EFTUD2: variants seen among roughly 807,000 people sequenced by gnomAD.
The protein encoded by EFTUD2 is elongation factor Tu GTP binding domain containing 2, also known as 116 kDa U5 small nuclear ribonucleoprotein component.
In EFTUD2, 9 loss-of-function variants were observed where a neutral mutation model predicts 114.3. The ratio of observed to expected loss-of-function variants is 0.08; its 90% CI spans 0.05 to 0.14. EFTUD2 has a LOEUF of 0.14. Ranked by LOEUF, EFTUD2 falls within the 10% of genes least tolerant of loss-of-function variation. The pLI, the probability that EFTUD2 is intolerant of heterozygous loss-of-function variation, is 1.00. For synonymous variants in EFTUD2, 449 were observed against 462.3 expected, an observed-to-expected ratio of 0.97 and a Z score of 0.37; for missense variants, 765 against 1,241.2, an observed-to-expected ratio of 0.62 and a Z score of 5.76.
intron 7 of EFTUD2, 109 bp downstream of exon 7, chr17:44,881,578 G>T: frequency 8.7e-7 from 1 of 1,147,392 alleles, no homozygotes; most frequent in Non-Finnish European, 1.3e-6. Context: ...AGAGAGAGGA[G>T]TAGGATATGA....
In EFTUD2 at chr17:44,854,511, C is replaced by T; in HGVS notation, c.2259+45G>A. ...GAACACTTTGTAGTTTCTTCCACTC[C>T]AGAGGTAAGAGACCGCCACCCAGTT... is the stretch of plus-strand genomic sequence containing the variant. On this transcript the variant is annotated intron_variant, in intron 22 of 27. Transcript: ENST00000426333. This position sits in a 1 kb window ranked among gnomAD's most constrained non-coding sequence, Gnocchi z 4.3. 1 of 1,596,652 alleles carries T rather than the reference C, an allele frequency of 6.3e-7. No individual in the cohort carries two copies. Among genetic ancestry groups the T allele is most frequent in the Non-Finnish European group, 8.5e-7 (1 of 1,169,802 alleles).
chr17:44,851,247 A>G lies in EFTUD2; in HGVS notation c.*27T>C, dbSNP rs2050442001. ...ACAGGAGTTGCAGCCCACTGTAGGG[A>G]GCAGGAGCTCCCAGGAGTCCACGCA... On this transcript the variant is annotated 3_prime_UTR_variant, in exon 28 of 28. Transcript: ENST00000426333. 1.3e-6 allele frequency: 2 copies of G among 1,593,322 alleles called. No individual in the cohort carries two copies. The highest frequency in any genetic ancestry group is 1.7e-6 in the Non-Finnish European group (2 of 1,161,380).
rs1404659333 is a variant in EFTUD2 at position 44,850,261 on chromosome 17, G to A, written c.*1013C>T. ...GGGAGCAGCTAGAGGTGAACCCCTA[G>A]GACGCCTGAGAGCCAGAGGACGGGT... On this transcript the variant is annotated 3_prime_UTR_variant, in exon 28 of 28. Coordinates refer to ENST00000426333, the MANE Select transcript of EFTUD2 (RefSeq NM_004247.4). 1.6e-6 allele frequency: 2 copies of A among 1,279,370 alleles called. No homozygotes were observed. The highest frequency in any genetic ancestry group is 2.3e-5 in the East Asian group (1 of 42,688). 79.3% of individuals were successfully genotyped at this position (1,279,370 alleles called of 1,614,324 possible).
chr17:44,859,327 A>T, intron 18 of EFTUD2, 146 bp from the exon 19 acceptor site: 1 of 664,242 alleles, frequency 1.5e-6, no homozygotes, highest in South Asian at 1.7e-5. Flanking sequence ...AAGAAGGTTC[A>T]GTGAGGAGCA....
intron 7 of EFTUD2, among the ~76,000 whole-genome samples, chr17:44,881,094 G>A (rs901756445): frequency 1.3e-5 from 2 of 151,952 alleles, no homozygotes; most frequent in African/African-American, 4.8e-5. Flanking sequence ...AATAATAACA[G>A]CTAACATTGA....
At chr17:44,880,167 G>A (rs971591461) in intron 8 of EFTUD2, among the ~76,000 whole-genome samples, 3 of 152,278 alleles carry the variant, frequency 2.0e-5, no homozygotes, top group African/African-American at 7.2e-5. Context: ...AGTCAGCCAA[G>A]GTGCGCTGCT....
rs193063023 is a variant in EFTUD2, at chr17:44,875,414, C to T, written c.869+520G>A. 5.3e-5 allele frequency among the ~76,000 whole-genome samples: 8 copies of T among 152,042 alleles called. No individual in the cohort carries two copies. In the East Asian group the frequency reaches 5.8e-4, roughly 11 times the overall value. ...GCGTGGTGACGGGTGCCTGTAGTCCCGGCTACTTGAGAGGCTGAGGCAGGA... is the reference window on the plus strand; with the variant it reads ...GCGTGGTGACGGGTGCCTGTAGTCCTGGCTACTTGAGAGGCTGAGGCAGGA... On this transcript the variant is annotated intron_variant, in intron 10 of 27. Transcript: ENST00000426333.
chr17:44,876,677 CCT>C (rs768091715), intron 9 of EFTUD2, among the ~76,000 whole-genome samples: 115 of 151,904 alleles, frequency 7.6e-4, no homozygotes, highest in Non-Finnish European at 1.3e-3. Flanking sequence ...ACGGTGAAAC[CCT>C]GTCTCGACTA....
intron 8 of EFTUD2, among the ~76,000 whole-genome samples, chr17:44,880,303 T>C (rs1317219716): frequency 6.6e-6 from 1 of 152,154 alleles, no homozygotes; most frequent in Non-Finnish European, 1.5e-5. Context: ...CTGAAATGAA[T>C]AAATGAATAC....
chr17:44,889,754 T>C (rs67903128), intron 2 of EFTUD2, among the ~76,000 whole-genome samples: 23,032 of 152,130 alleles, frequency 0.15, 1,953 homozygotes, highest in Middle Eastern at 0.28. Flanking sequence ...ACTCTACTTC[T>C]ACTAAAGTGG....
At position 44,898,820 on chromosome 17, in the gene EFTUD2, A is replaced by T. The variant is rs117429701; in HGVS notation, c.-5+549T>A. Among the ~76,000 whole-genome samples, 216 of 149,118 alleles carry T rather than the reference A, an allele frequency of 1.4e-3. 1 individual carries two copies. The East Asian group carries it at 0.02, about 14-fold the overall frequency. On this transcript the variant is annotated intron_variant, in intron 1 of 27. Coordinates refer to ENST00000426333, the MANE Select transcript of EFTUD2 (RefSeq NM_004247.4). ...TTTACTGTTCATTTCCCCAACTACA[A>T]TTGAAGCAAAGACTTTGTTCACTTA...
rs150335245 is a variant in EFTUD2 at position 44,886,723 on chromosome 17, C to T, written c.133G>A (p.Val45Ile). 293 of 1,613,914 alleles carry T rather than the reference C, an allele frequency of 1.8e-4. No individual in the cohort carries two copies. The African/African-American group carries it at 2.8e-3, about 15-fold the overall frequency. ...EMDDDDDDDD[V>I]GDHDDDHPGM... is the part of the protein sequence containing the mutation. ...GGGTGGTCATCGTCATGATCTCCTA[C>T]GTCATCGTCGTCGTCATCATCATCC... Residue 45 changes from valine (V) to isoleucine (I), a missense_variant, in exon 3 of 28, where the codon GTA (valine) becomes ATA (isoleucine). Val to Ile is a conservative substitution (Grantham distance 29). Around this residue, in one of 6 missense-constraint regions of EFTUD2, gnomAD observed 121 missense variants for 133.7 expected, o/e 0.90. Transcript: ENST00000426333.
rs942779843 is a variant in EFTUD2 at position 44,875,797 on chromosome 17, C to T, written c.869+137G>A. 1.0e-5 allele frequency: 10 copies of T among 993,478 alleles called. No homozygotes were observed. The Admixed American group carries it at 1.8e-4, about 17-fold the overall frequency. The allele number at this position is 993,478 out of a possible 1,614,324, so 61.5% of individuals were successfully genotyped here. ...GTATGAAGTCAACCCCTGCAGAGTC[C>T]CAGGATGTGCCTCTAGTTTTGCCCA... On this transcript the variant is annotated intron_variant, in intron 10 of 27. Coordinates refer to ENST00000426333, the MANE Select transcript of EFTUD2 (RefSeq NM_004247.4).
At chr17:44,856,130 C>CA (rs1045415785) in intron 20 of EFTUD2, among the ~76,000 whole-genome samples, 16,801 of 36,856 alleles carry the variant, frequency 0.46, 4,148 homozygotes, top group Non-Finnish European at 0.51. Context: ...GACCCTGTCT[C>CA]AAAAAAAAAA....
intron 14 of EFTUD2, 157 bp from the exon 15 acceptor site, chr17:44,863,939 T>TG (rs2050701607): frequency 2.1e-6 from 2 of 953,206 alleles, no homozygotes; most frequent in Non-Finnish European, 1.5e-6. Context: ...GCCTGCTTCC[T>TG]GGGAATGTGC....
intron 9 of EFTUD2, among the ~76,000 whole-genome samples, chr17:44,877,848 A>G (rs1472751638): frequency 2.1e-5 from 3 of 146,234 alleles, no homozygotes; most frequent in African/African-American, 7.6e-5. Context: ...ACAAACAACA[A>G]TGGCTGGAAG....
intron 16 of EFTUD2, among the ~76,000 whole-genome samples, chr17:44,861,664 T>C (rs1334955393): frequency 1.3e-5 from 2 of 151,108 alleles, no homozygotes; most frequent in African/African-American, 4.9e-5. Flanking sequence ...ACCCAGGAGG[T>C]GGAGCTTGCA....
intron 9 of EFTUD2, among the ~76,000 whole-genome samples, chr17:44,878,450 C>G (rs1294951612): frequency 1.3e-5 from 2 of 152,144 alleles, no homozygotes; most frequent in Non-Finnish European, 1.5e-5. Flanking sequence ...TGTTATGCAT[C>G]ACTCTGGATT....
chr17:44,863,896 G>A, intron 14 of EFTUD2, 114 bp from the exon 15 acceptor site: 1 of 1,369,968 alleles, frequency 7.3e-7, no homozygotes, highest in South Asian at 1.4e-5. Flanking sequence ...CTGATTGTTA[G>A]CTCTAAAAGC....
Sources: allele counts gnomAD v4.1 joint callset (sites outside exome capture counted in the v4.1 genomes callset), GRCh38; gene constraint gnomAD v4.1.1; regional missense constraint gnomAD v4.1.1; non-coding constraint Gnocchi (gnomAD v3.1); transcripts MANE v1.5; gene names NCBI Gene and HGNC (gene_info 2026-07-23, HGNC 2026-07-21).